Variants in HIVEP3 observed in about 807,000 individuals in gnomAD.
HIVEP3 encodes the protein transcription factor HIVEP3.
HIVEP3 carries 49 observed loss-of-function variants against 152.8 expected under a neutral mutation model. That is an observed-to-expected ratio of 0.32 (90% confidence interval 0.26 to 0.41). The LOEUF (loss-of-function observed/expected upper bound fraction) is 0.41. HIVEP3 is among the 10% of genes least tolerant of loss of function. The probability of loss-of-function intolerance (pLI) is 1.00; values close to 1 mark genes in which losing one functional copy is unlikely to be tolerated. For synonymous variants in HIVEP3, 1,269 were observed against 1,289.0 expected (o/e 0.98, Z 0.33); for missense variants, 2,790 against 3,103.3 (o/e 0.90, Z 2.40).
intron 1 of HIVEP3, among the ~76,000 whole-genome samples, chr1:41,999,277 A>T (rs1015105951): frequency 1.3e-5 from 2 of 152,312 alleles, no homozygotes; most frequent in African/African-American, 4.8e-5. Flanking sequence ...CAAAAAAGTT[A>T]AAATCCTCCA....
intron 1 of HIVEP3, among the ~76,000 whole-genome samples, chr1:41,933,724 G>GT (rs150071344): frequency 0.057 from 8,585 of 151,868 alleles, 256 homozygotes; most frequent in South Asian, 0.098. Flanking sequence ...TGTTCCTTCT[G>GT]TTTTTTTCTT....
intron 1 of HIVEP3, among the ~76,000 whole-genome samples, chr1:42,005,292 G>A (rs1645452103): frequency 6.6e-6 from 1 of 152,164 alleles, no homozygotes; most frequent in Non-Finnish European, 1.5e-5. Context: ...ATGGCAGTCT[G>A]TAATGCCCAG....
chr1:41,661,287 T>C (rs935083455), intron 2 of HIVEP3, among the ~76,000 whole-genome samples: 1 of 152,198 alleles, frequency 6.6e-6, no homozygotes, highest in Non-Finnish European at 1.5e-5. Context: ...TAAACAACTG[T>C]GGCCACTATG....
intron 1 of HIVEP3, among the ~76,000 whole-genome samples, chr1:42,005,360 C>T (rs939777507): frequency 6.6e-6 from 1 of 151,988 alleles, no homozygotes; most frequent in East Asian, 1.9e-4. Flanking sequence ...TATATGTATA[C>T]ATGCACATAT....
intron 5 of HIVEP3, among the ~76,000 whole-genome samples, chr1:41,544,840 C>T (rs1350645566): frequency 8.5e-6 from 1 of 117,462 alleles, no homozygotes; most frequent in Non-Finnish European, 1.7e-5. Context: ...ATCACCACCA[C>T]CACTACCACC....
At chr1:41,811,801 G>T (rs1650977040) in intron 1 of HIVEP3, among the ~76,000 whole-genome samples, 1 of 151,978 alleles carries the variant, frequency 6.6e-6, no homozygotes. Context: ...CTAAAAGAGG[G>T]AATACGAAAA....
At chr1:41,569,345 C>T (rs1476971489) in intron 5 of HIVEP3, among the ~76,000 whole-genome samples, 1 of 152,096 alleles carries the variant, frequency 6.6e-6, no homozygotes, top group Non-Finnish European at 1.5e-5. Context: ...CGCCACCAAC[C>T]CTCCTGTGGT....
In HIVEP3 at chr1:41,699,206, G is replaced by A. The variant is rs1050873353; in HGVS notation, c.-721+1710C>T. On this transcript the variant is annotated intron_variant, in intron 2 of 8. Coordinates refer to ENST00000372583, the MANE Select transcript of HIVEP3 (RefSeq NM_024503.5). ...GCTGGCCTCTCGCTTGAGCTCTTGC[G>A]TTTGACTCTGGCACCGCTGCAGGAG... Among the ~76,000 whole-genome samples the A allele has an allele frequency of 1.4e-4, 21 of 152,328 alleles. 1 individual carries two copies. Among genetic ancestry groups the A allele is most frequent in the Admixed American group, 9.8e-4 (15 of 15,304 alleles).
rs535741086 is a variant in HIVEP3 at position 41,980,295 on chromosome 1, A to G, written n.119+55512T>C. 1.1e-4 allele frequency among the ~76,000 whole-genome samples: 17 copies of G among 152,394 alleles called. No individual in the cohort carries two copies. The South Asian group carries it at 3.5e-3, about 32-fold the overall frequency. On this transcript the variant is annotated intron_variant and non_coding_transcript_variant, in intron 1 of 3. Transcript: ENST00000489103. ...GTATTATTCATAATAGCCAAAAGGT[A>G]TAAACAGCCCAAATGTCTATCTACT...
chr1:41,585,181 G>GGAGACATCTGTGTCCATGGCCC lies in HIVEP3; in HGVS notation c.-406_-385dup, dbSNP rs554508104. On this transcript the variant is annotated 5_prime_UTR_variant, in exon 4 of 9. In the 5' UTR this introduces an upstream ATG that the reference lacks. Coordinates refer to ENST00000372583, the MANE Select transcript of HIVEP3 (RefSeq NM_024503.5). Reference sequence around the variant, plus strand: ...TGTGCTATGCAAACGGTTGAAGGTTGGAGACATCTGTGTCCATGGCCCAGT... The same window carrying GGAGACATCTGTGTCCATGGCCC: ...TGTGCTATGCAAACGGTTGAAGGTTGGAGACATCTGTGTCCATGGCCCGAGACATCTGTGTCCATGGCCCAGT... 1,003 of 399,232 alleles carry GGAGACATCTGTGTCCATGGCCC rather than the reference G, an allele frequency of 2.5e-3. 5 individuals are homozygous for GGAGACATCTGTGTCCATGGCCC. The highest frequency in any genetic ancestry group is 0.019 in the African/African-American group (928 of 48,724). The allele number at this position is 399,232 out of a possible 1,614,324, so 24.7% of individuals were successfully genotyped here.
At chr1:41,971,556 T>C (rs768763111) in intron 1 of HIVEP3, among the ~76,000 whole-genome samples, 5 of 152,156 alleles carry the variant, frequency 3.3e-5, no homozygotes, top group East Asian at 1.9e-4. Flanking sequence ...CTGTGTCTGA[T>C]GACAGCTGGC....
In HIVEP3 at chr1:41,582,563, A is replaced by C. The variant is rs1414009750; in HGVS notation, c.2235T>G (p.Ala745=). The C allele has an allele frequency of 6.2e-7, 1 of 1,611,840 alleles. No individual in the cohort carries two copies. The highest frequency in any genetic ancestry group is 1.1e-5 in the South Asian group (1 of 90,830). Residue 745 remains alanine, a synonymous_variant, in exon 4 of 9, where the codon GCT becomes GCG. Coordinates refer to ENST00000372583, the MANE Select transcript of HIVEP3 (RefSeq NM_024503.5). The surrounding 1 kb of genome is among the most constrained non-coding windows in gnomAD (Gnocchi z 4.7). ...SQFGSPGPSD[A]ARNLPLESTK... ...TGGACTCCAGGGGAAGGTTCCGAGCAGCATCAGATGGCCCGGGGCTGCCAA... is the reference window on the plus strand; with the variant it reads ...TGGACTCCAGGGGAAGGTTCCGAGCCGCATCAGATGGCCCGGGGCTGCCAA...
intron 5 of HIVEP3, among the ~76,000 whole-genome samples, chr1:41,553,720 G>T (rs1230813927): frequency 6.6e-6 from 1 of 152,168 alleles, no homozygotes; most frequent in Non-Finnish European, 1.5e-5. Context: ...CTCAGCATTT[G>T]CTTGTCTGTA....
chr1:41,852,127 G>A (rs1024254209), intron 1 of HIVEP3, among the ~76,000 whole-genome samples: 7 of 152,206 alleles, frequency 4.6e-5, no homozygotes, highest in African/African-American at 1.4e-4. Context: ...GAAATTTCTC[G>A]GCATGCATCT....
chr1:41,869,093 C>T (rs1013066012), intron 1 of HIVEP3, among the ~76,000 whole-genome samples: 1 of 152,182 alleles, frequency 6.6e-6, no homozygotes, highest in Non-Finnish European at 1.5e-5. Flanking sequence ...CATGTCTACA[C>T]CCTATAGGCT....
intron 5 of HIVEP3, 130 bp downstream of exon 5, chr1:41,575,414 G>T (rs916694388): frequency 7.9e-6 from 7 of 889,840 alleles, no homozygotes; most frequent in Middle Eastern, 2.9e-4. Context: ...CTGCTGAAAG[G>T]CATCGCTGGG....
At chr1:41,872,500 G>C (rs1644100315) in intron 1 of HIVEP3, among the ~76,000 whole-genome samples, 1 of 152,024 alleles carries the variant, frequency 6.6e-6, no homozygotes, top group South Asian at 2.1e-4. Context: ...GTCCTTCTCA[G>C]GCCATATGCA....
intron 2 of HIVEP3, among the ~76,000 whole-genome samples, chr1:41,680,463 G>A (rs1341117576): frequency 6.6e-6 from 1 of 152,180 alleles, no homozygotes. Context: ...GTCCAGCTAG[G>A]TGGGGATCAG....
In HIVEP3 at chr1:41,580,899, G is replaced by A. The variant is rs770621398; in HGVS notation, c.3899C>T (p.Thr1300Ile). 6.2e-7 allele frequency: 1 copy of A among 1,612,332 alleles called. No homozygotes were observed. Among genetic ancestry groups the A allele is most frequent in the Non-Finnish European group, 8.5e-7 (1 of 1,179,272 alleles). The change falls in exon 4 of 9, where the codon ACA becomes ATA. Residue 1300 changes from threonine to isoleucine, a missense_variant. Transcript: ENST00000372583. ...AGGCAGGGCCAGTGGAGGAGCTGAT[G>A]TAGGTGCTGAGGAGCTGGCTGGGGG... Reference protein sequence around the residue: ...VAPPASSSAPTSAPPLALPAC... With the variant: ...VAPPASSSAPISAPPLALPAC...
Sources: gnomAD v4.1 joint callset for allele counts (sites outside exome capture counted in the v4.1 genomes callset) on GRCh38, gnomAD v4.1.1 for gene constraint, Gnocchi (gnomAD v3.1) non-coding constraint, MANE v1.5 for transcripts, NCBI Gene and HGNC (gene_info 2026-07-23, HGNC 2026-07-21) for gene names.